Variants in CMSS1 observed in about 807,000 individuals in gnomAD.
The protein encoded by CMSS1 is protein CMSS1.
Under a neutral mutation model 43.5 loss-of-function variants are expected in CMSS1, and 33 were observed. The ratio of observed to expected loss-of-function variants is 0.76; its 90% CI spans 0.57 to 1.01. CMSS1 has a LOEUF of 1.01. Ranked by LOEUF, CMSS1 falls within the 50% of genes least tolerant of loss-of-function variation. CMSS1 has a pLI of 0.00. For missense variants in CMSS1, 313 were observed against 326.4 expected (o/e 0.96, Z 0.32); for synonymous variants, 115 against 117.2 (o/e 0.98, Z 0.12).
chr3:100,097,118 A>G (rs909241497), intron 1 of CMSS1, among the ~76,000 whole-genome samples: 2 of 152,200 alleles, frequency 1.3e-5, no homozygotes, highest in Admixed American at 6.5e-5. Flanking sequence ...TTAGATTCTC[A>G]TAGGAGCACA....
intron 1 of CMSS1, chr3:99,898,091 T>G (rs191397306): frequency 6.6e-6 from 1 of 152,240 alleles, no homozygotes; most frequent in South Asian, 2.1e-4. Context: ...ATCTAAGTTA[T>G]TAGACTCTCA....
chr3:100,093,079 G>GA (rs1477587841), intron 1 of CMSS1, among the ~76,000 whole-genome samples: 1 of 151,866 alleles, frequency 6.6e-6, no homozygotes, highest in Non-Finnish European at 1.5e-5. Flanking sequence ...ATACAGAATG[G>GA]AAAAAATTGA....
chr3:100,171,816 A>G (rs757738238), intron 6 of CMSS1, 23 bp from the exon 7 acceptor site: 8 of 1,611,024 alleles, frequency 5.0e-6, no homozygotes, highest in Admixed American at 1.7e-5. Context: ...TTTCTTAAGC[A>G]TTCACCTGCT....
rs533007385 is a variant in CMSS1, at chr3:100,134,107, C to T, written c.65-12866C>T. ...GAGTGGATAGTAGGTCTAGATGTAG[C>T]CTCATAGGCTTTTTTCTTATGAAAT... On this transcript the variant is annotated intron_variant, in intron 1 of 9. Coordinates refer to ENST00000421999, the MANE Select transcript of CMSS1 (RefSeq NM_032359.4). Among the ~76,000 whole-genome samples, 4 of 152,214 alleles carry T rather than the reference C, an allele frequency of 2.6e-5. No individual in the cohort carries two copies. The South Asian group carries it at 8.3e-4, about 32-fold the overall frequency.
At chr3:100,159,952 T>G (rs1308995039) in intron 2 of CMSS1, 2 of 456,416 alleles carry the variant, frequency 4.4e-6, no homozygotes, top group South Asian at 3.1e-5. Context: ...TTTTCTATGC[T>G]TATTGAAAAG....
intron 1 of CMSS1, among the ~76,000 whole-genome samples, chr3:100,042,454 T>G (rs1244068899): frequency 6.6e-6 from 1 of 152,244 alleles, no homozygotes; most frequent in African/African-American, 2.4e-5. Context: ...AAACTGTGAT[T>G]CACGGTGCTA....
At chr3:99,913,329 G>A (rs1308284027) in intron 1 of CMSS1, among the ~76,000 whole-genome samples, 1 of 152,190 alleles carries the variant, frequency 6.6e-6, no homozygotes, top group Non-Finnish European at 1.5e-5. Context: ...AGCAGCATAT[G>A]AGGGTTCCAG....
intron 1 of CMSS1, among the ~76,000 whole-genome samples, chr3:99,880,745 AG>A (rs1352323590): frequency 1.3e-5 from 2 of 152,200 alleles, no homozygotes; most frequent in African/African-American, 4.8e-5. Context: ...AATGCATAAA[AG>A]TAAAAAATTT....
intron 2 of CMSS1, among the ~76,000 whole-genome samples, chr3:100,151,877 G>T (rs1407937593): frequency 1.3e-5 from 2 of 152,196 alleles, no homozygotes; most frequent in African/African-American, 4.8e-5. Flanking sequence ...AGGTCCAGGT[G>T]CAGTTGGGGC....
intron 1 of CMSS1, among the ~76,000 whole-genome samples, chr3:100,118,831 A>G (rs1233803354): frequency 6.6e-6 from 1 of 152,174 alleles, no homozygotes; most frequent in Non-Finnish European, 1.5e-5. Context: ...ATATCATCCT[A>G]CAGATAACTG....
At chr3:99,822,000 C>T (rs925593172) in intron 1 of CMSS1, among the ~76,000 whole-genome samples, 19 of 151,972 alleles carry the variant, frequency 1.3e-4, no homozygotes, top group African/African-American at 3.9e-4. Context: ...GAGCCAAGAT[C>T]GCACCACTGC....
At chr3:100,019,121 G>C (rs1488622637) in intron 1 of CMSS1, among the ~76,000 whole-genome samples, 1 of 152,114 alleles carries the variant, frequency 6.6e-6, no homozygotes, top group Non-Finnish European at 1.5e-5. Context: ...CAGTATGGAG[G>C]TTCCTCAGAA....
intron 1 of CMSS1, among the ~76,000 whole-genome samples, chr3:100,117,253 G>T (rs535569828): frequency 6.6e-6 from 1 of 151,964 alleles, no homozygotes; most frequent in Non-Finnish European, 1.5e-5. Flanking sequence ...CTTTATTTAT[G>T]TTATTTGATT....
At chr3:100,021,109 C>T (rs2064809164) in intron 1 of CMSS1, among the ~76,000 whole-genome samples, 1 of 152,176 alleles carries the variant, frequency 6.6e-6, no homozygotes, top group South Asian at 2.1e-4. Flanking sequence ...CTTTTCAAGG[C>T]CGGTCAATTG....
chr3:99,836,254 T>G (rs1432053314), intron 1 of CMSS1, among the ~76,000 whole-genome samples: 2 of 152,000 alleles, frequency 1.3e-5, no homozygotes, highest in Middle Eastern at 3.4e-3. Context: ...GAGAAAGAAA[T>G]AATATGACAG....
At chr3:99,835,748 A>G (rs1176167520) in intron 1 of CMSS1, among the ~76,000 whole-genome samples, 3 of 152,236 alleles carry the variant, frequency 2.0e-5, no homozygotes. Flanking sequence ...AGGAGGGGTA[A>G]CAAATAATTA....
rs75422633 is a variant in CMSS1, at chr3:100,027,340, A to C, written c.65-119633A>C. On this transcript the variant is annotated intron_variant, in intron 1 of 9. Transcript: ENST00000421999. ...GCCTCACACATGGTAGGTGTTCAATAAATGTTTGATGAATGAATGAATCTT... is the reference window on the plus strand; with the variant it reads ...GCCTCACACATGGTAGGTGTTCAATCAATGTTTGATGAATGAATGAATCTT... 4.6e-3 allele frequency among the ~76,000 whole-genome samples: 694 copies of C among 152,266 alleles called. 7 individuals carry two copies. The highest frequency in any genetic ancestry group is 0.016 in the African/African-American group (677 of 41,554).
At chr3:99,890,423 A>G (rs1706046603) in intron 1 of CMSS1, among the ~76,000 whole-genome samples, 1 of 152,064 alleles carries the variant, frequency 6.6e-6, no homozygotes, top group Non-Finnish European at 1.5e-5. Context: ...TTCTTAGTTT[A>G]TATTAACATT....
chr3:99,870,497 AGTT>A (rs1273076421), intron 1 of CMSS1, among the ~76,000 whole-genome samples: 1 of 152,158 alleles, frequency 6.6e-6, no homozygotes, highest in Non-Finnish European at 1.5e-5. Context: ...CCATAATTGA[AGTT>A]GTTGTCCAAG....
Sources: allele counts gnomAD v4.1 joint callset (sites outside exome capture counted in the v4.1 genomes callset), GRCh38; gene constraint gnomAD v4.1.1; transcripts MANE v1.5; gene names NCBI Gene and HGNC (gene_info 2026-07-23, HGNC 2026-07-21).